LRP4: variants seen among roughly 807,000 people sequenced by gnomAD.
The protein encoded by LRP4 is LDL receptor related protein 4.
Under a neutral mutation model 220.3 loss-of-function variants are expected in LRP4, and 95 were observed. The ratio of observed to expected loss-of-function variants is 0.43; its 90% CI spans 0.37 to 0.51. LRP4 has a LOEUF of 0.51. Ranked by LOEUF, LRP4 falls within the 20% of genes least tolerant of loss-of-function variation. The pLI is 0.00. For missense variants in LRP4, 1,925 were observed against 2,567.0 expected (o/e 0.75, Z 5.40); for synonymous variants, 903 against 954.6 (o/e 0.95, Z 1.00).
At chr11:46,910,395 TAAG>T (rs1300766036) in intron 1 of LRP4, among the ~76,000 whole-genome samples, 1 of 152,222 alleles carries the variant, frequency 6.6e-6, no homozygotes, top group Admixed American at 6.5e-5. Flanking sequence ...AGTTAATTCA[TAAG>T]AAGGACTTAG....
At chr11:46,874,409 T>C in intron 28 of LRP4, 1 of 178,304 alleles carries the variant, frequency 5.6e-6, no homozygotes. Context: ...AACAGCTTTG[T>C]AAACCACCAT....
intron 15 of LRP4, 88 bp downstream of exon 15, chr11:46,889,856 A>T: frequency 4.8e-6 from 7 of 1,455,414 alleles, no homozygotes; most frequent in Non-Finnish European, 6.8e-6. Flanking sequence ...AGAAATGGCA[A>T]CTCTAAGGGG....
rs1422651176 is a variant in LRP4, at chr11:46,891,450, C to G, written c.1698-956G>C. On this transcript the variant is annotated intron_variant, in intron 13 of 37. Coordinates refer to ENST00000378623, the MANE Select transcript of LRP4 (RefSeq NM_002334.4). ...TTATACACACACACACACACACACA[C>G]ACACACACACACACAGACACACACA... is the stretch of plus-strand genomic sequence containing the variant. Among the ~76,000 whole-genome samples the G allele has an allele frequency of 5.3e-5, 8 of 150,122 alleles. No homozygotes were observed. The South Asian group carries it at 1.3e-3, about 24-fold the overall frequency.
rs368011278 is a variant in LRP4 at position 46,879,213 on chromosome 11, G to C, written c.2917C>G (p.Arg973Gly). ...GTCTCCCGGTCCAGCCCTGTCAGCC[G>C]GTCAGCGCTCTGTATGCTCTTGGTC... ...WQTKSIQSAD[R>G]LTGLDRETLQ... The change falls in exon 21 of 38, where the codon CGG becomes GGG. Residue 973 changes from arginine to glycine, a missense_variant. Coordinates refer to ENST00000378623, the MANE Select transcript of LRP4 (RefSeq NM_002334.4). 6.2e-7 allele frequency: 1 copy of C among 1,614,192 alleles called. No homozygotes were observed. Among genetic ancestry groups the C allele is most frequent in the Non-Finnish European group, 8.5e-7 (1 of 1,180,034 alleles).
rs767762610 is a variant in LRP4, at chr11:46,898,917, G to A, written c.663C>T (p.Asp221=). Residue 221 remains aspartate, a synonymous_variant, in exon 6 of 38, where the codon GAC becomes GAT. Transcript: ENST00000378623. ...DGDDDCGDWS[D]ESDCSSHQPC... is the part of the protein sequence containing the mutation. ...CAGAGTACTCACAGCAGTCAGACTC[G>A]TCTGACCAGTCTCCACAGTCATCGT... The A allele has an allele frequency of 1.1e-5, 18 of 1,613,656 alleles. No individual in the cohort carries two copies. The highest frequency in any genetic ancestry group is 2.2e-5 in the East Asian group (1 of 44,880).
intron 1 of LRP4, among the ~76,000 whole-genome samples, chr11:46,906,461 A>G (rs1941762362): frequency 6.6e-6 from 1 of 152,132 alleles, no homozygotes; most frequent in African/African-American, 2.4e-5. Context: ...GTCTCGAAAA[A>G]AAAAAAAAGC....
intron 19 of LRP4, 103 bp downstream of exon 19, chr11:46,883,768 T>G: frequency 1.1e-6 from 1 of 895,138 alleles, no homozygotes; most frequent in Non-Finnish European, 1.8e-6. Context: ...TCCTTGGGCA[T>G]ATCCATAAGA....
intron 1 of LRP4, among the ~76,000 whole-genome samples, chr11:46,914,500 A>G (rs760976242): frequency 3.7e-4 from 56 of 152,310 alleles, no homozygotes; most frequent in Non-Finnish European, 7.1e-4. Context: ...AACTATTTAT[A>G]AGGTCAAACT....
At chr11:46,860,955 A>C in intron 37 of LRP4, 1 of 985,120 alleles carries the variant, frequency 1.0e-6, no homozygotes, top group African/African-American at 1.7e-5. Flanking sequence ...ATCAGAAGAG[A>C]AAAGGTGAAA....
At position 46,874,930 on chromosome 11, in the gene LRP4, T is replaced by C; in HGVS notation, c.4099A>G (p.Ile1367Val). ...LFSSRGSIRR[I>V]SLDTSDHTDV... ...GTGTGGTCACTGGTGTCCAGTGAGATACGCCGGATGGAGCCACGGCTGGAG... is the reference window on the plus strand; with the variant it reads ...GTGTGGTCACTGGTGTCCAGTGAGACACGCCGGATGGAGCCACGGCTGGAG... The change falls in exon 28 of 38, where the codon ATC (isoleucine) becomes GTC (valine). Residue 1367 changes from isoleucine to valine, a missense_variant. Around this residue, in one of 3 missense-constraint regions of LRP4, gnomAD observed 1,244 missense variants for 1,624.9 expected, o/e 0.77. Coordinates refer to ENST00000378623, the MANE Select transcript of LRP4 (RefSeq NM_002334.4). 6.2e-7 allele frequency: 1 copy of C among 1,614,190 alleles called. No homozygotes were observed. Among genetic ancestry groups the C allele is most frequent in the South Asian group, 1.1e-5 (1 of 91,082 alleles).
intron 13 of LRP4, 23 bp downstream of exon 13, chr11:46,892,950 C>G (rs373847724): frequency 4.6e-5 from 74 of 1,610,912 alleles, no homozygotes; most frequent in Non-Finnish European, 6.1e-5. Flanking sequence ...CAAGAAAGTT[C>G]GGGAGCCTGA....
At chr11:46,876,076 G>A (rs773060586) in intron 25 of LRP4, 110 bp from the exon 26 acceptor site, 12 of 1,295,016 alleles carry the variant, frequency 9.3e-6, no homozygotes, top group Non-Finnish European at 1.3e-5. Flanking sequence ...AGTATGTCAG[G>A]CAAAATTTTT....
At position 46,878,952 on chromosome 11, in the gene LRP4, G is replaced by T. The variant is rs760476180; in HGVS notation, c.3091C>A (p.Pro1031Thr). The change falls in exon 22 of 38, where the codon CCC becomes ACC. Residue 1031 changes from proline (P) to threonine (T), a missense_variant. Pro to Thr is a conservative substitution (Grantham distance 38). This residue lies in a region of LRP4 where 1,244 missense variants were observed against 1,624.9 expected (regional missense o/e 0.77). Transcript: ENST00000378623. ...PNPSGFSCTC[P>T]TGINLLSDGK... Reference sequence around the variant, plus strand: ...TCAGACAGCAGGTTGATGCCTGTGGGGCAGGTACAGCTGAATCCGCTTGGA... The same window carrying T: ...TCAGACAGCAGGTTGATGCCTGTGGTGCAGGTACAGCTGAATCCGCTTGGA... The T allele has an allele frequency of 6.2e-7, 1 of 1,614,220 alleles. No individual in the cohort carries two copies. Among genetic ancestry groups the T allele is most frequent in the Non-Finnish European group, 8.5e-7 (1 of 1,180,038 alleles).
chr11:46,873,213 C>A lies in LRP4; in HGVS notation c.4470G>T (p.Trp1490Cys). ...PRKGYLFWTD[W>C]GHIAKIERAN... ...CCCGTTCGATCTTGGCAATGTGGCC[C>A]CAGTCTGTCCAGAAGAGGTACCTGA... The change falls in exon 30 of 38, where the codon TGG becomes TGT. Residue 1490 changes from tryptophan to cysteine, a missense_variant. By Grantham distance (215) the Trp-to-Cys change is radical. Transcript: ENST00000378623. This position sits in a 1 kb window ranked among gnomAD's most constrained non-coding sequence, Gnocchi z 4.2. 6.2e-7 allele frequency: 1 copy of A among 1,614,158 alleles called. No homozygotes were observed. The highest frequency in any genetic ancestry group is 8.5e-7 in the Non-Finnish European group (1 of 1,180,034).
At chr11:46,872,412 T>G (rs182352862) in intron 30 of LRP4, among the ~76,000 whole-genome samples, 2 of 152,260 alleles carry the variant, frequency 1.3e-5, no homozygotes, top group South Asian at 2.1e-4. Context: ...CCCTTCCCCC[T>G]GCCCTTAGCA....
intron 31 of LRP4, among the ~76,000 whole-genome samples, chr11:46,870,341 C>G (rs1407334447): frequency 6.6e-6 from 1 of 152,146 alleles, no homozygotes; most frequent in Non-Finnish European, 1.5e-5. Flanking sequence ...AGAATACAGA[C>G]AGAGTTGACA....
chr11:46,859,196 G>T lies in LRP4; in HGVS notation c.5505C>A (p.Gly1835=), dbSNP rs560166088. Residue 1835 remains glycine (G), a synonymous_variant, in exon 38 of 38, where the codon GGC becomes GGA. Coordinates refer to ENST00000378623, the MANE Select transcript of LRP4 (RefSeq NM_002334.4). ...DLKQLRSSRG[G]LLRDHVCMKT... is the part of the protein sequence containing the mutation. ...TCATGCATACATGATCCCGGAGGAG[G>T]CCCCCCCGTGAGCTTCGCAGTTGCT... 6.2e-7 allele frequency: 1 copy of T among 1,613,802 alleles called. No homozygotes were observed. Among genetic ancestry groups the T allele is most frequent in the African/African-American group, 1.3e-5 (1 of 74,848 alleles).
At chr11:46,879,452 AAATCTCTCTGAGCCTTGCTCTATC>A in intron 20 of LRP4, 137 bp from the exon 21 acceptor site, 1 of 806,096 alleles carries the variant, frequency 1.2e-6, no homozygotes, top group South Asian at 1.5e-5. Context: ...GCTACTTATA[AAATCTCTCTGAGCCTTGCTCTATC>A]AATCTGTGAC....
intron 31 of LRP4, among the ~76,000 whole-genome samples, chr11:46,870,210 A>G (rs765964438): frequency 2.6e-5 from 4 of 152,120 alleles, no homozygotes; most frequent in Non-Finnish European, 5.9e-5. Context: ...CGGAGGTTGC[A>G]GTGAGCTGAG....
Sources: allele counts gnomAD v4.1 joint callset (sites outside exome capture counted in the v4.1 genomes callset), GRCh38; gene constraint gnomAD v4.1.1; regional missense constraint gnomAD v4.1.1; non-coding constraint Gnocchi (gnomAD v3.1); transcripts MANE v1.5; gene names NCBI Gene and HGNC (gene_info 2026-07-23, HGNC 2026-07-21).